Variants in SPAG16 observed in about 807,000 individuals in gnomAD.
SPAG16 encodes sperm associated antigen 16, also known as sperm-associated antigen 16 protein.
SPAG16 carries 86 observed loss-of-function variants against 80.4 expected under a neutral mutation model. The observed-to-expected ratio is 1.07, with a 90% confidence interval of 0.90 to 1.28. The LOEUF is 1.28. SPAG16 is among the 50% of genes most tolerant of loss of function. SPAG16 has a pLI of 0.00. For synonymous variants in SPAG16, 294 were observed against 265.9 expected, an observed-to-expected ratio of 1.11 and a Z score of -1.03; for missense variants, 870 against 765.3, an observed-to-expected ratio of 1.14 and a Z score of -1.61.
intron 12 of SPAG16, among the ~76,000 whole-genome samples, chr2:213,973,943 A>T (rs2045221538): frequency 6.6e-6 from 1 of 152,124 alleles, no homozygotes; most frequent in African/African-American, 2.4e-5. Flanking sequence ...GGTAGATATG[A>T]CCTGCATATA....
chr2:213,337,121 C>T (rs2064405247), intron 5 of SPAG16, among the ~76,000 whole-genome samples: 1 of 152,116 alleles, frequency 6.6e-6, no homozygotes, highest in Non-Finnish European at 1.5e-5. Context: ...CAGCAAACTG[C>T]AACATCCCTG....
chr2:214,094,310 C>T (rs534960157), intron 13 of SPAG16, among the ~76,000 whole-genome samples: 15 of 152,156 alleles, frequency 9.9e-5, no homozygotes, highest in African/African-American at 3.4e-4. Flanking sequence ...ATCTCCAGGG[C>T]ATTTATATTA....
intron 11 of SPAG16, among the ~76,000 whole-genome samples, chr2:213,887,109 T>C (rs2076586125): frequency 6.6e-6 from 1 of 152,110 alleles, no homozygotes; most frequent in South Asian, 2.1e-4. Context: ...TTGTCTTCAG[T>C]CTGTCTTACC....
At chr2:214,357,185 A>C (rs1434337228) in intron 15 of SPAG16, among the ~76,000 whole-genome samples, 1 of 151,838 alleles carries the variant, frequency 6.6e-6, no homozygotes, top group Non-Finnish European at 1.5e-5. Context: ...GGTTCTCTGC[A>C]GTTTCACTAT....
At chr2:213,692,771 C>T (rs1293720266) in intron 10 of SPAG16, among the ~76,000 whole-genome samples, 1 of 149,086 alleles carries the variant, frequency 6.7e-6, no homozygotes, top group East Asian at 2.0e-4. Flanking sequence ...GGTCACGCCA[C>T]TGCACTCCAC....
intron 12 of SPAG16, among the ~76,000 whole-genome samples, chr2:213,973,688 G>A (rs529861869): frequency 1.3e-3 from 186 of 147,350 alleles, no homozygotes; most frequent in Non-Finnish European, 2.1e-3. Context: ...ACTTTTGACT[G>A]TTTCTGGAGT....
chr2:213,997,978 T>G (rs2046608304), intron 12 of SPAG16, among the ~76,000 whole-genome samples: 1 of 152,170 alleles, frequency 6.6e-6, no homozygotes, highest in Non-Finnish European at 1.5e-5. Flanking sequence ...AGAGTGTGAA[T>G]TAAAGTCAGA....
At chr2:213,718,149 C>CAAAAAAAAAAAAAAA (rs71063769) in intron 10 of SPAG16, among the ~76,000 whole-genome samples, 30 of 92,186 alleles carry the variant, frequency 3.3e-4, no homozygotes, top group Non-Finnish European at 4.3e-4. Context: ...AACAAGTTTA[C>CAAAAAAAAAAAAAAA]AAAAAAAAAA....
chr2:214,202,638 A>T (rs1378281122), intron 15 of SPAG16, among the ~76,000 whole-genome samples: 1 of 152,166 alleles, frequency 6.6e-6, no homozygotes, highest in Non-Finnish European at 1.5e-5. Context: ...ACGAAGCCAC[A>T]TGCACTGGCA....
chr2:213,479,299 C>T (rs1036720876), intron 9 of SPAG16, among the ~76,000 whole-genome samples: 1 of 151,772 alleles, frequency 6.6e-6, no homozygotes, highest in Admixed American at 6.6e-5. Flanking sequence ...TACATCATGC[C>T]CCAAAAAATT....
chr2:213,894,987 CAAAAAAAAAAAA>C (rs71063793), intron 11 of SPAG16, among the ~76,000 whole-genome samples: 4 of 49,302 alleles, frequency 8.1e-5, no homozygotes, highest in African/African-American at 3.5e-4. Context: ...GGCTCCATCT[CAAAAAAAAAAAA>C]AAAAAAAAAA....
intron 10 of SPAG16, among the ~76,000 whole-genome samples, chr2:213,654,542 A>C (rs1411422040): frequency 4.5e-3 from 25 of 5,496 alleles, no homozygotes; most frequent in South Asian, 0.023. Flanking sequence ...TAAAAATACA[A>C]AAAAAAAAAA....
intron 14 of SPAG16, 65 bp from the exon 15 acceptor site, chr2:214,149,075 G>GTATATATATATATA (rs368500543): frequency 6.6e-6 from 2 of 301,584 alleles, no homozygotes; most frequent in Non-Finnish European, 8.8e-6. Context: ...GTGTGTGTGT[G>GTATATATATATATA]TGTATATATA....
At chr2:214,169,204 C>G (rs1170211889) in intron 15 of SPAG16, among the ~76,000 whole-genome samples, 3 of 151,898 alleles carry the variant, frequency 2.0e-5, no homozygotes, top group African/African-American at 7.3e-5. Flanking sequence ...ATTTCTTGGA[C>G]TATAATAGTA....
At chr2:213,394,396 A>G (rs1259411430) in intron 9 of SPAG16, among the ~76,000 whole-genome samples, 1 of 152,186 alleles carries the variant, frequency 6.6e-6, no homozygotes, top group Non-Finnish European at 1.5e-5. Flanking sequence ...ATAGCTTTAG[A>G]TTCACATACA....
chr2:213,295,963 T>C, intron 1 of SPAG16, 101 bp from the exon 2 acceptor site: 1 of 926,274 alleles, frequency 1.1e-6, no homozygotes, highest in Non-Finnish European at 1.7e-6. Context: ...AACTTCCTGG[T>C]GAGATAGTTG....
chr2:214,226,220 G>T (rs1489957931), intron 15 of SPAG16, among the ~76,000 whole-genome samples: 2 of 152,006 alleles, frequency 1.3e-5, no homozygotes, highest in African/African-American at 4.8e-5. Flanking sequence ...GCCCGTCTAG[G>T]ATAGTCTTAG....
At chr2:214,346,098 T>A (rs1698030337) in intron 15 of SPAG16, among the ~76,000 whole-genome samples, 1 of 152,216 alleles carries the variant, frequency 6.6e-6, no homozygotes. Flanking sequence ...GTATTCAGCT[T>A]TAATAATTGA....
At chr2:214,370,918 G>C (rs1699772857) in intron 15 of SPAG16, among the ~76,000 whole-genome samples, 1 of 152,154 alleles carries the variant, frequency 6.6e-6, no homozygotes, top group Non-Finnish European at 1.5e-5. Context: ...CTTGGGCCAA[G>C]TCTCTATACT....
Sources: gnomAD v4.1 joint callset for allele counts (sites outside exome capture counted in the v4.1 genomes callset) on GRCh38, gnomAD v4.1.1 for gene constraint, MANE v1.5 for transcripts, NCBI Gene and HGNC (gene_info 2026-07-23, HGNC 2026-07-21) for gene names.